The following SHQ1 variants were observed in gnomAD, a reference collection of about 807,000 sequenced individuals.
The protein encoded by SHQ1 is protein SHQ1 homolog.
In SHQ1, 49 loss-of-function variants were observed where a neutral mutation model predicts 53.8. The observed-to-expected ratio is 0.91, with a 90% CI of 0.72 to 1.16. The LOEUF (loss-of-function observed/expected upper bound fraction) is 1.16. Among genes scored for constraint, SHQ1 ranks in the 50% most tolerant of loss-of-function variants. The probability of loss-of-function intolerance (pLI) is 0.00; values close to 1 mark genes in which losing one functional copy is unlikely to be tolerated. For synonymous variants in SHQ1, 243 were observed against 251.0 expected (o/e 0.97, Z 0.30); for missense variants, 738 against 683.1 (o/e 1.08, Z -0.90).
intron 10 of SHQ1, among the ~76,000 whole-genome samples, chr3:72,791,939 A>G (rs1335980157): frequency 6.6e-6 from 1 of 152,270 alleles, no homozygotes; most frequent in Non-Finnish European, 1.5e-5. Context: ...GAACTTCACG[A>G]AATAAAAATT....
chr3:72,773,001 C>T (rs771969677), intron 10 of SHQ1: 3 of 1,178,224 alleles, frequency 2.5e-6, no homozygotes, highest in Non-Finnish European at 3.8e-6. Flanking sequence ...CTCAAAGTTC[C>T]AAATCTGAAG....
intron 10 of SHQ1, among the ~76,000 whole-genome samples, chr3:72,762,200 G>A (rs532107523): frequency 2.6e-5 from 4 of 152,140 alleles, no homozygotes; most frequent in South Asian, 2.1e-4. Flanking sequence ...AAAAACACTC[G>A]CTATGGCAAC....
downstream of SHQ1, among the ~76,000 whole-genome samples, chr3:72,747,620 AGAG>A: frequency 6.6e-6 from 1 of 152,326 alleles, no homozygotes; most frequent in Admixed American, 6.5e-5. Context: ...AGAGCTCCAG[AGAG>A]GAGAGAGCTG....
chr3:72,756,111 C>T (rs537774675), intron 10 of SHQ1, among the ~76,000 whole-genome samples: 2 of 152,222 alleles, frequency 1.3e-5, no homozygotes, highest in South Asian at 4.1e-4. Context: ...GTTGCCCAGG[C>T]TGGTCTCCAA....
At chr3:72,738,597 AG>A in the SHQ1 span, among the ~76,000 whole-genome samples, 1 of 152,126 alleles carries the variant, frequency 6.6e-6, no homozygotes, top group Non-Finnish European at 1.5e-5. Context: ...CTCGTATTCC[AG>A]GTTATTGTTT....
At chr3:72,798,740 G>A (rs1220362814) in intron 9 of SHQ1, among the ~76,000 whole-genome samples, 1 of 152,224 alleles carries the variant, frequency 6.6e-6, no homozygotes, top group Non-Finnish European at 1.5e-5. Context: ...GCTCATGGCT[G>A]GAGGCACTTA....
intron 10 of SHQ1, among the ~76,000 whole-genome samples, chr3:72,777,031 T>C (rs773374240): frequency 2.0e-5 from 3 of 152,180 alleles, no homozygotes; most frequent in Non-Finnish European, 4.4e-5. Flanking sequence ...GATCCCCTAT[T>C]GCATAACATA....
intron 10 of SHQ1, among the ~76,000 whole-genome samples, chr3:72,765,557 A>ATTTTTT (rs61074795): frequency 1.7e-4 from 10 of 57,184 alleles, no homozygotes; most frequent in African/African-American, 5.5e-4. Context: ...ATATATATAT[A>ATTTTTT]TTTTTTTTTT....
Position 72,750,284 on chromosome 3 carries a change from T to A in SHQ1, c.1734A>T (p.Ter578CysextTer9), listed in dbSNP as rs977704791. 1 of 1,594,898 alleles carries A rather than the reference T, an allele frequency of 6.3e-7. No individual in the cohort carries two copies. Among genetic ancestry groups the A allele is most frequent in the African/African-American group, 1.4e-5 (1 of 73,886 alleles). Residue 578 changes from the stop codon to cysteine (C), a stop_lost, in exon 11 of 11, where the codon TGA (stop) becomes TGT (cysteine). Coordinates refer to ENST00000325599, the MANE Select transcript of SHQ1 (RefSeq NM_018130.3). ...ERDGCQTPNN[*>C] ...AACAATGAATAAAACCACCTAAGAG[T>A]CAATTATTTGGTGTCTGACAGCCGT...
At chr3:72,777,058 G>A (rs554534048) in intron 10 of SHQ1, among the ~76,000 whole-genome samples, 1 of 152,126 alleles carries the variant, frequency 6.6e-6, no homozygotes, top group Admixed American at 6.5e-5. Context: ...ATCTATTCCA[G>A]GTGGACTAAG....
chr3:72,788,523 C>A (rs193299239), intron 10 of SHQ1, among the ~76,000 whole-genome samples: 1 of 152,158 alleles, frequency 6.6e-6, no homozygotes, highest in South Asian at 2.1e-4. Context: ...TGCCCTGCCG[C>A]CCCGTCGGGG....
At chr3:72,837,573 T>A (rs901879416) in intron 4 of SHQ1, among the ~76,000 whole-genome samples, 2 of 152,208 alleles carry the variant, frequency 1.3e-5, no homozygotes, top group Admixed American at 6.5e-5. Flanking sequence ...GAGTAGTCAA[T>A]GAAGCTGTAT....
chr3:72,755,042 T>A (rs1331581236), intron 10 of SHQ1, among the ~76,000 whole-genome samples: 2 of 152,142 alleles, frequency 1.3e-5, no homozygotes, highest in Non-Finnish European at 2.9e-5. Context: ...GAATCCTGGC[T>A]CTTCTCAGAA....
rs767865058 is a variant in SHQ1, at chr3:72,812,793, G to T, written c.938C>A (p.Thr313Asn). The T allele has an allele frequency of 2.5e-5, 40 of 1,613,776 alleles. No individual in the cohort carries two copies. In the South Asian group the frequency reaches 4.2e-4, roughly 17 times the overall value. Residue 313 changes from threonine to asparagine, a missense_variant and splice_region_variant, in exon 9 of 11, where the codon ACT becomes AAT. Transcript: ENST00000325599. ...KLSPTLCWFETWTNVHDIMVS... is the reference protein window; with the variant it reads ...KLSPTLCWFENWTNVHDIMVS... The stretch of plus-strand genomic sequence containing the variant: ...CATGATATCATGAACGTTAGTCCAA[G>T]TCTGTGAAGTGTCATTTTAATAAGC...
chr3:72,834,458 A>C (rs1459811424), intron 4 of SHQ1, among the ~76,000 whole-genome samples: 1 of 152,186 alleles, frequency 6.6e-6, no homozygotes, highest in Non-Finnish European at 1.5e-5. Context: ...TGAACCCAGA[A>C]GGTGGAGGTT....
the SHQ1 span, among the ~76,000 whole-genome samples, chr3:72,741,113 A>T: frequency 2.6e-5 from 4 of 152,136 alleles, no homozygotes; most frequent in African/African-American, 9.7e-5. Flanking sequence ...AGTTTCTTGG[A>T]TGGTTCAAGT....
the SHQ1 span, among the ~76,000 whole-genome samples, chr3:72,727,973 G>C: frequency 6.6e-6 from 1 of 152,198 alleles, no homozygotes; most frequent in Non-Finnish European, 1.5e-5. Flanking sequence ...GCAAGCCGTG[G>C]AGTCCCTGGA....
chr3:72,810,720 C>A (rs1235969409), intron 9 of SHQ1, among the ~76,000 whole-genome samples: 1 of 152,168 alleles, frequency 6.6e-6, no homozygotes, highest in Admixed American at 6.5e-5. Flanking sequence ...GCAATAATGG[C>A]ATCCCCGTGC....
intron 8 of SHQ1, among the ~76,000 whole-genome samples, chr3:72,814,984 T>C (rs1411902617): frequency 6.6e-6 from 1 of 152,184 alleles, no homozygotes; most frequent in Non-Finnish European, 1.5e-5. Flanking sequence ...ATTTTTCGTG[T>C]GTGTGTGTGT....
Sources: allele counts gnomAD v4.1 joint callset (sites outside exome capture counted in the v4.1 genomes callset), GRCh38; gene constraint gnomAD v4.1.1; transcripts MANE v1.5; gene names NCBI Gene and HGNC (gene_info 2026-07-23, HGNC 2026-07-21).